IFNAR2: variants seen among roughly 807,000 people sequenced by gnomAD.
IFNAR2 encodes interferon alpha/beta receptor 2.
A neutral mutation model predicts 49.4 loss-of-function variants in IFNAR2; 30 were observed. The ratio of observed to expected loss-of-function variants is 0.61; its 90% CI spans 0.45 to 0.82. The LOEUF (loss-of-function observed/expected upper bound fraction) is 0.82. IFNAR2 is among the 40% of genes least tolerant of loss of function. The pLI, the probability that IFNAR2 is intolerant of heterozygous loss-of-function variation, is 0.00. For synonymous variants in IFNAR2, 224 were observed against 234.5 expected, an observed-to-expected ratio of 0.96 and a Z score of 0.41; for missense variants, 600 against 622.7, an observed-to-expected ratio of 0.96 and a Z score of 0.39.
At chr21:33,243,540 A>C (rs1223438918) in intron 2 of IFNAR2, 133 bp from the exon 3 acceptor site, 3 of 787,436 alleles carry the variant, frequency 3.8e-6, no homozygotes, top group Non-Finnish European at 4.4e-6. Context: ...CTATGTGGGC[A>C]TTTTTTTGGC....
rs1161075663 is a variant in IFNAR2 at position 33,229,942 on chromosome 21, C to G, written c.-358C>G. Reference sequence around the variant, plus strand: ...CGGCGCGGCGCCCGCGCTTCCGTATCGCTCCTCGTAGGCCGGGGCTCGGCG... The same window carrying G: ...CGGCGCGGCGCCCGCGCTTCCGTATGGCTCCTCGTAGGCCGGGGCTCGGCG... On this transcript the variant is annotated 5_prime_UTR_variant, in exon 1 of 9. In the 5' UTR this introduces an upstream ATG that the reference lacks. Coordinates refer to ENST00000342136, the MANE Select transcript of IFNAR2 (RefSeq NM_001289125.3). 3 of 983,582 alleles carry G rather than the reference C, an allele frequency of 3.1e-6. No homozygotes were observed. The highest frequency in any genetic ancestry group is 3.6e-6 in the Non-Finnish European group (3 of 829,276). 60.9% of individuals were successfully genotyped at this position (983,582 alleles called of 1,614,324 possible).
At chr21:33,248,214 G>T (rs953586658) in intron 5 of IFNAR2, among the ~76,000 whole-genome samples, 4 of 152,046 alleles carry the variant, frequency 2.6e-5, no homozygotes, top group African/African-American at 9.7e-5. Context: ...TTGTCCCAAA[G>T]AAATTATTAA....
At chr21:33,239,567 C>G (rs1330774937) in intron 1 of IFNAR2, among the ~76,000 whole-genome samples, 2 of 150,008 alleles carry the variant, frequency 1.3e-5, no homozygotes, top group East Asian at 2.0e-4. Flanking sequence ...GTGGTCACAG[C>G]CCTCAATGTT....
intron 1 of IFNAR2, among the ~76,000 whole-genome samples, chr21:33,240,627 T>C (rs1986847745): frequency 6.6e-6 from 1 of 152,064 alleles, no homozygotes; most frequent in African/African-American, 2.4e-5. Context: ...CTGGGCAACA[T>C]AGTGAGACCC....
At chr21:33,241,545 T>C (rs1024221046) in intron 1 of IFNAR2, among the ~76,000 whole-genome samples, 2 of 152,226 alleles carry the variant, frequency 1.3e-5, no homozygotes, top group African/African-American at 2.4e-5. Flanking sequence ...TAGGAATATG[T>C]ATTTGTTTTT....
intron 7 of IFNAR2, among the ~76,000 whole-genome samples, chr21:33,256,864 T>A (rs1568893000): frequency 6.6e-6 from 1 of 152,044 alleles, no homozygotes; most frequent in African/African-American, 2.4e-5. Context: ...GTAAGTACCA[T>A]GGAAAAAAAT....
rs1345377342 is a variant in IFNAR2 at position 33,236,671 on chromosome 21, G to A, written c.-83-5169G>A. ...TAGGCATAGAGATTGAAGCCAGACA[G>A]GGCCTGGGATTCCTCTGCTGGGAGC... On this transcript the variant is annotated intron_variant, in intron 1 of 8. Transcript: ENST00000342136. 3 of 985,096 alleles carry A rather than the reference G, an allele frequency of 3.0e-6. No homozygotes were observed. In the East Asian group the frequency reaches 3.4e-4, roughly 112 times the overall value. The allele number at this position is 985,096 out of a possible 1,614,324, so 61.0% of individuals were successfully genotyped here. A position where few individuals can be genotyped will look rare whatever the true frequency, so the allele number is the denominator to read the frequency against.
chr21:33,230,631 G>T lies in IFNAR2; in HGVS notation c.-84+415G>T. The T allele has an allele frequency of 4.3e-6, 2 of 469,054 alleles. No homozygotes were observed. Among genetic ancestry groups the T allele is most frequent in the South Asian group, 3.1e-5 (2 of 64,320 alleles). 29.1% of individuals were successfully genotyped at this position (469,054 alleles called of 1,614,324 possible). ...CCTTGCAAAACCGGCTCACCAGCTGGGTGCTCAGGTTCGGGATCTCCAGCC... is the reference window on the plus strand; with the variant it reads ...CCTTGCAAAACCGGCTCACCAGCTGTGTGCTCAGGTTCGGGATCTCCAGCC... On this transcript the variant is annotated intron_variant, in intron 1 of 8. Coordinates refer to ENST00000342136, the MANE Select transcript of IFNAR2 (RefSeq NM_001289125.3). The surrounding 1 kb of genome is among the most constrained non-coding windows in gnomAD (Gnocchi z 5.5).
intron 8 of IFNAR2, chr21:33,262,489 G>A (rs180929156): frequency 6.0e-6 from 4 of 664,612 alleles, no homozygotes; most frequent in Non-Finnish European, 1.1e-5. Flanking sequence ...ACTGTTAGCT[G>A]TTATTATTGC....
chr21:33,242,156 A>G (rs1319948923), intron 2 of IFNAR2, among the ~76,000 whole-genome samples, 179 bp downstream of exon 2: 1 of 152,214 alleles, frequency 6.6e-6, no homozygotes, highest in Non-Finnish European at 1.5e-5. Flanking sequence ...GTTTAGATTC[A>G]ATGTAGATTC....
At chr21:33,256,135 G>T (rs928347402) in intron 7 of IFNAR2, among the ~76,000 whole-genome samples, 2 of 152,154 alleles carry the variant, frequency 1.3e-5, no homozygotes, top group Non-Finnish European at 2.9e-5. Flanking sequence ...TGATGAGAAG[G>T]CACAAGCTCC....
chr21:33,247,330 C>T (rs1987516645), intron 5 of IFNAR2, among the ~76,000 whole-genome samples: 1 of 148,936 alleles, frequency 6.7e-6, no homozygotes, highest in Non-Finnish European at 1.5e-5. Context: ...TCGCTCACTG[C>T]AACCTCCACC....
chr21:33,252,137 G>A lies in IFNAR2; in HGVS notation c.541-525G>A, dbSNP rs558648451. 5.5e-4 allele frequency: 255 copies of A among 460,852 alleles called. 5 individuals are homozygous for A. The highest frequency in any genetic ancestry group is 3.9e-3 in the South Asian group (249 of 63,708). The allele number at this position is 460,852 out of a possible 1,614,324, so 28.5% of individuals were successfully genotyped here. A position where few individuals can be genotyped will look rare whatever the true frequency, so the allele number is the denominator to read the frequency against. ...CTATCTATATCTGTCTATTGATAAA[G>A]GGAGAAGATGAGAAACTAGACATCA... is the stretch of plus-strand genomic sequence containing the variant. On this transcript the variant is annotated intron_variant, in intron 6 of 8. Coordinates refer to ENST00000342136, the MANE Select transcript of IFNAR2 (RefSeq NM_001289125.3).
intron 1 of IFNAR2, among the ~76,000 whole-genome samples, chr21:33,236,549 G>A (rs1435918656): frequency 1.3e-5 from 2 of 152,222 alleles, no homozygotes; most frequent in African/African-American, 4.8e-5. Flanking sequence ...CGAGGCTGGA[G>A]TGCTGGCCCT....
At position 33,230,167 on chromosome 21, in the gene IFNAR2, G is replaced by A. The variant is rs2123428893; in HGVS notation, c.-133G>A. ...TCGGGTCCCAGAGCCGGGCGCGGCTGGGGCCCGAGGCTAGCATCTCTCGGG... is the reference window on the plus strand; with the variant it reads ...TCGGGTCCCAGAGCCGGGCGCGGCTAGGGCCCGAGGCTAGCATCTCTCGGG... On this transcript the variant is annotated 5_prime_UTR_variant, in exon 1 of 9. Coordinates refer to ENST00000342136, the MANE Select transcript of IFNAR2 (RefSeq NM_001289125.3). This position sits in a 1 kb window ranked among gnomAD's most constrained non-coding sequence, Gnocchi z 5.5. 1.0e-6 allele frequency: 1 copy of A among 1,002,594 alleles called. No homozygotes were observed. Among genetic ancestry groups the A allele is most frequent in the Non-Finnish European group, 1.2e-6 (1 of 839,100 alleles). The allele number at this position is 1,002,594 out of a possible 1,614,324, so 62.1% of individuals were successfully genotyped here.
intron 7 of IFNAR2, among the ~76,000 whole-genome samples, chr21:33,257,625 A>G (rs146401433): frequency 6.1e-4 from 92 of 152,058 alleles, no homozygotes; most frequent in Admixed American, 1.2e-3. Context: ...GCATTTTACA[A>G]TCCTCTTGTG....
At position 33,263,152 on chromosome 21, in the gene IFNAR2, T is replaced by A. The variant is rs759122271; in HGVS notation, c.1200T>A (p.Ser400Arg). 1.2e-6 allele frequency: 2 copies of A among 1,613,708 alleles called. No individual in the cohort carries two copies. The highest frequency in any genetic ancestry group is 2.7e-5 in the African/African-American group (2 of 74,854). The change falls in exon 9 of 9, where the codon AGT becomes AGA. Residue 400 changes from serine to arginine, a missense_variant. Ser to Arg is a moderately radical substitution (Grantham distance 110, BLOSUM62 -1). Transcript: ENST00000342136. ...LLSGPCERRK[S>R]PLQDPFPEED... ...GTGGGCCCTGTGAGAGGAGAAAGAG[T>A]CCACTCCAGGACCCTTTTCCCGAAG...
chr21:33,234,434 A>T (rs945651797), intron 1 of IFNAR2, among the ~76,000 whole-genome samples: 3 of 152,124 alleles, frequency 2.0e-5, no homozygotes, highest in South Asian at 2.1e-4. Flanking sequence ...CCAGAAAAAG[A>T]TATGTAATTG....
chr21:33,251,907 A>T lies in IFNAR2; in HGVS notation c.541-755A>T, dbSNP rs1363271211. The T allele has an allele frequency of 2.0e-5, 5 of 253,784 alleles. No individual in the cohort carries two copies. In the Admixed American group the frequency reaches 3.3e-4, roughly 17 times the overall value. The allele number at this position is 253,784 out of a possible 1,614,324, so 15.7% of individuals were successfully genotyped here. A position where few individuals can be genotyped will look rare whatever the true frequency, so the allele number is the denominator to read the frequency against. On this transcript the variant is annotated intron_variant, in intron 6 of 8. Transcript: ENST00000342136. ...AGACCAGCGTGGCCAACATGGTGAA[A>T]CCCCATCTCTACTAAAAATACAAAA...
Sources: allele counts gnomAD v4.1 joint callset (sites outside exome capture counted in the v4.1 genomes callset), GRCh38; gene constraint gnomAD v4.1.1; non-coding constraint Gnocchi (gnomAD v3.1); transcripts MANE v1.5; gene names NCBI Gene and HGNC (gene_info 2026-07-23, HGNC 2026-07-21).